Variants in ERC1 observed in about 807,000 individuals in gnomAD.
The protein encoded by ERC1 is RAB6 interacting protein 2.
Under a neutral mutation model 132.0 loss-of-function variants are expected in ERC1, and 56 were observed. That is an observed-to-expected ratio of 0.42 (90% CI 0.34 to 0.53). The LOEUF is 0.53. Among genes scored for constraint, ERC1 ranks in the 20% least tolerant of loss-of-function variants. The pLI, the probability that ERC1 is intolerant of heterozygous loss-of-function variation, is 0.03. For synonymous variants in ERC1, 478 were observed against 476.1 expected (o/e 1.00, Z -0.05); for missense variants, 1,202 against 1,349.9 (o/e 0.89, Z 1.72).
Position 1,397,856 on chromosome 12 carries a change from A to G in ERC1, c.2926-10293A>G, listed in dbSNP as rs561791539. 8.5e-4 allele frequency among the ~76,000 whole-genome samples: 129 copies of G among 152,180 alleles called. 2 individuals carry two copies. The highest frequency in any genetic ancestry group is 3.4e-3 in the Middle Eastern group (1 of 294). The stretch of plus-strand genomic sequence containing the variant: ...AAGCAGTCCTTGAAATTTAAAAACA[A>G]ACAGAAACAAATGAATCTAATTATA... On this transcript the variant is annotated intron_variant, in intron 16 of 18. Transcript: ENST00000360905.
At position 1,418,627 on chromosome 12, in the gene ERC1, CTTTCTTTCTT is replaced by C. The variant is rs1265707535; in HGVS notation, c.3024+10382_3024+10391del. Among the ~76,000 whole-genome samples, 771 of 119,286 alleles carry C rather than the reference CTTTCTTTCTT, an allele frequency of 6.5e-3. 19 individuals carry two copies. Among genetic ancestry groups the C allele is most frequent in the African/African-American group, 0.029 (668 of 23,332 alleles). The allele number at this position is 119,286 out of a possible 152,430, so 78.3% of individuals were successfully genotyped here. On this transcript the variant is annotated intron_variant, in intron 17 of 18. Coordinates refer to ENST00000360905, the MANE Select transcript of ERC1 (RefSeq NM_178040.4). The stretch of plus-strand genomic sequence containing the variant: ...TCTTTCTTTCTTTCTTTCTTTCTTT[CTTTCTTTCTT>C]TCTTTCTCTCTCTCTCTCTCTCTCT...
chr12:1,424,878 A>G (rs540864334), intron 17 of ERC1, among the ~76,000 whole-genome samples: 1 of 147,422 alleles, frequency 6.8e-6, no homozygotes, highest in South Asian at 2.1e-4. Flanking sequence ...AGATAGATAG[A>G]TAGATAGATA....
At position 1,317,168 on chromosome 12, in the gene ERC1, G is replaced by GAA. The variant is rs139637325; in HGVS notation, c.2780+27170_2780+27171dup. On this transcript the variant is annotated intron_variant, in intron 15 of 18. Transcript: ENST00000360905. ...AAGAGAGAAACTCTGTCTCAAAAAC[G>GAA]AAAAAAAAAAAAAAAGAAAATGTGT... Among the ~76,000 whole-genome samples the GAA allele has an allele frequency of 5.6e-5, 6 of 107,690 alleles. No homozygotes were observed. In the East Asian group the frequency reaches 1.6e-3, roughly 28 times the overall value. 70.6% of individuals were successfully genotyped at this position (107,690 alleles called of 152,430 possible).
chr12:1,128,148 C>G (rs1025783982), intron 7 of ERC1, among the ~76,000 whole-genome samples: 1 of 152,146 alleles, frequency 6.6e-6, no homozygotes, highest in Non-Finnish European at 1.5e-5. Context: ...ATTTACAATT[C>G]CACATTAGTT....
At chr12:1,178,465 C>T (rs922184434) in intron 8 of ERC1, among the ~76,000 whole-genome samples, 2 of 152,028 alleles carry the variant, frequency 1.3e-5, no homozygotes, top group Admixed American at 1.3e-4. Context: ...TGGTTTCATA[C>T]ACTAATCAGT....
intron 15 of ERC1, among the ~76,000 whole-genome samples, chr12:1,342,498 G>A (rs1472275450): frequency 6.7e-6 from 1 of 148,718 alleles, no homozygotes; most frequent in Middle Eastern, 3.2e-3. Context: ...AAAAGATAAA[G>A]CAAAAAATGC....
chr12:1,028,775 C>T (rs1341098499), intron 2 of ERC1, among the ~76,000 whole-genome samples: 2 of 151,984 alleles, frequency 1.3e-5, no homozygotes, highest in African/African-American at 2.4e-5. Context: ...GCCCATGTCT[C>T]CTTGCTCCCA....
At chr12:1,113,860 A>T (rs1304855056) in intron 6 of ERC1, among the ~76,000 whole-genome samples, 3 of 152,196 alleles carry the variant, frequency 2.0e-5, no homozygotes, top group Non-Finnish European at 4.4e-5. Flanking sequence ...TTAGGAAAGT[A>T]ATTATTCAGG....
intron 12 of ERC1, among the ~76,000 whole-genome samples, chr12:1,209,159 G>A (rs1478823958): frequency 6.6e-6 from 1 of 151,930 alleles, no homozygotes; most frequent in African/African-American, 2.4e-5. Context: ...AGTAGAGACA[G>A]GGTTTCGCCA....
intron 14 of ERC1, among the ~76,000 whole-genome samples, chr12:1,277,037 C>A (rs571816085): frequency 6.6e-6 from 1 of 152,226 alleles, no homozygotes; most frequent in South Asian, 2.1e-4. Context: ...CATTTTTGTG[C>A]TTGATTTTAA....
At chr12:1,125,483 G>T (rs1428515981) in intron 7 of ERC1, among the ~76,000 whole-genome samples, 1 of 152,068 alleles carries the variant, frequency 6.6e-6, no homozygotes, top group Non-Finnish European at 1.5e-5. Flanking sequence ...CAGTTTTCCT[G>T]AAGTTAATGT....
chr12:1,163,118 A>G (rs1455102739), intron 8 of ERC1, among the ~76,000 whole-genome samples: 2 of 152,232 alleles, frequency 1.3e-5, no homozygotes, highest in African/African-American at 4.8e-5. Context: ...TTTTAAAAGT[A>G]AACCTTAAGG....
At chr12:1,318,102 A>G (rs1238101022) in intron 15 of ERC1, among the ~76,000 whole-genome samples, 1 of 152,252 alleles carries the variant, frequency 6.6e-6, no homozygotes, top group Admixed American at 6.5e-5. Context: ...TAAAATTTCC[A>G]TGATGTGATA....
At chr12:1,487,995 G>A (rs905012956) in intron 18 of ERC1, among the ~76,000 whole-genome samples, 1 of 151,954 alleles carries the variant, frequency 6.6e-6, no homozygotes, top group Non-Finnish European at 1.5e-5. Flanking sequence ...AAAATTAGCT[G>A]GGCGTGGTAG....
At position 1,243,774 on chromosome 12, in the gene ERC1, G is replaced by A. The variant is rs548024428; in HGVS notation, c.2487+6870G>A. Reference sequence around the variant, plus strand: ...CTGTAGTTCTCCGGATAGCCCCCACGGCAAAGAATTTCTCGGCCCACACTG... The same window carrying A: ...CTGTAGTTCTCCGGATAGCCCCCACAGCAAAGAATTTCTCGGCCCACACTG... On this transcript the variant is annotated intron_variant, in intron 13 of 18. Transcript: ENST00000360905. 3.4e-4 allele frequency among the ~76,000 whole-genome samples: 51 copies of A among 152,208 alleles called. No individual in the cohort carries two copies. The South Asian group carries it at 4.6e-3, about 14-fold the overall frequency.
chr12:1,337,069 G>C lies in ERC1; in HGVS notation c.2781-34764G>C, dbSNP rs186010288. On this transcript the variant is annotated intron_variant, in intron 15 of 18. Transcript: ENST00000360905. ...AACCTCAAGTGATCTGCCCACCTCA[G>C]CCTTCCAAAGTGCTGGGATTACAGG... Among the ~76,000 whole-genome samples the C allele has an allele frequency of 2.3e-3, 346 of 152,280 alleles. 1 individual carries two copies. The highest frequency in any genetic ancestry group is 2.6e-3 in the Non-Finnish European group (179 of 68,022).
intron 1 of ERC1, among the ~76,000 whole-genome samples, chr12:1,003,096 C>CAAAAAAAAAAAAAAAAAAAGAAAAAAAAA (rs59507923): frequency 1.2e-5 from 1 of 86,922 alleles, no homozygotes; most frequent in Non-Finnish European, 2.0e-5. Context: ...ATGAAAAATG[C>CAAAAAAAAAAAAAAAAAAAGAAAAAAAAA]AAAAAAAAAA....
chr12:1,490,229 G>C lies in ERC1; in HGVS notation c.3350G>C (p.Ter1117SerextTer42). The C allele has an allele frequency of 6.2e-7, 1 of 1,613,610 alleles. No individual in the cohort carries two copies. The highest frequency in any genetic ancestry group is 8.5e-7 in the Non-Finnish European group (1 of 1,179,694). Residue 1117 changes from the stop codon to serine, a stop_lost, in exon 19 of 19, where the codon TGA becomes TCA. Coordinates refer to ENST00000360905, the MANE Select transcript of ERC1 (RefSeq NM_178040.4). Reference protein sequence around the residue: ...QVVNALEESS* With the variant: ...QVVNALEESSS ...GTCAACGCCCTGGAAGAGTCCTCTT[G>C]ACCCTGCTTTATGGGGAAGCCTGAG...
intron 13 of ERC1, among the ~76,000 whole-genome samples, chr12:1,254,103 G>A (rs767203398): frequency 1.3e-5 from 2 of 152,180 alleles, no homozygotes; most frequent in African/African-American, 4.8e-5. Context: ...GTCTGGGTTC[G>A]TTTTGGTGAG....
Sources: gnomAD v4.1 joint callset for allele counts (sites outside exome capture counted in the v4.1 genomes callset) on GRCh38, gnomAD v4.1.1 for gene constraint, MANE v1.5 for transcripts, NCBI Gene and HGNC (gene_info 2026-07-23, HGNC 2026-07-21) for gene names.